LPCAT3: variants seen among roughly 807,000 people sequenced by gnomAD.
LPCAT3 encodes lysophosphatidylcholine acyltransferase 3, also known as lysophospholipid acyltransferase 5.
LPCAT3 carries 21 observed loss-of-function variants against 63.4 expected under a neutral mutation model. The observed-to-expected ratio is 0.33, with a 90% CI of 0.23 to 0.48. The LOEUF (loss-of-function observed/expected upper bound fraction) is 0.48, where lower values mean the gene tolerates loss of function less well. Ranked by LOEUF, LPCAT3 falls within the 20% of genes least tolerant of loss-of-function variation. The pLI is 0.99. For synonymous variants in LPCAT3, 242 were observed against 227.5 expected, an observed-to-expected ratio of 1.06 and a Z score of -0.58; for missense variants, 451 against 590.6, an observed-to-expected ratio of 0.76 and a Z score of 2.45.
At chr12:6,993,875 G>T (rs1275102922) in intron 1 of LPCAT3, among the ~76,000 whole-genome samples, 2 of 152,126 alleles carry the variant, frequency 1.3e-5, no homozygotes, top group African/African-American at 4.8e-5. Flanking sequence ...GCTTCCCAAA[G>T]TGCTAGGATT....
intron 1 of LPCAT3, among the ~76,000 whole-genome samples, chr12:7,000,799 C>T (rs961462466): frequency 2.0e-5 from 3 of 151,448 alleles, no homozygotes; most frequent in South Asian, 2.1e-4. Flanking sequence ...CTCCGCCTCC[C>T]GGGTTCACGC....
At chr12:6,981,414 C>G in intron 5 of LPCAT3, 181 bp downstream of exon 5, 1 of 732,812 alleles carries the variant, frequency 1.4e-6, no homozygotes, top group South Asian at 1.7e-5. Flanking sequence ...TGTGCAAGAG[C>G]TGGATCCTGG....
In LPCAT3 at chr12:6,978,391, G is replaced by A. The variant is rs11830191; in HGVS notation, c.990C>T (p.Phe330=). Residue 330 remains phenylalanine, a synonymous_variant, in exon 9 of 13, where the codon TTC becomes TTT. Transcript: ENST00000261407. ...KVWLFETNPR[F]TGTIASFNIN... ...TGTTGAATGAGGCAATGGTGCCAGT[G>A]AAGCGGGGGTTTGTTTCAAAGAGCC... The A allele has an allele frequency of 1.2e-6, 2 of 1,613,864 alleles. No homozygotes were observed. The highest frequency in any genetic ancestry group is 1.7e-6 in the Non-Finnish European group (2 of 1,179,948).
intron 1 of LPCAT3, among the ~76,000 whole-genome samples, chr12:6,984,660 C>T (rs1274245977): frequency 6.6e-6 from 1 of 152,216 alleles, no homozygotes; most frequent in Admixed American, 6.5e-5. Context: ...GATCATCGCT[C>T]ACTGCAGCCT....
At chr12:7,006,724 A>G (rs1946727398) in intron 1 of LPCAT3, among the ~76,000 whole-genome samples, 1 of 152,180 alleles carries the variant, frequency 6.6e-6, no homozygotes, top group African/African-American at 2.4e-5. Context: ...ACTTTAATCA[A>G]TCTTTTCCAC....
At chr12:6,998,160 A>G (rs1946654114) in intron 1 of LPCAT3, among the ~76,000 whole-genome samples, 1 of 152,080 alleles carries the variant, frequency 6.6e-6, no homozygotes. Context: ...AGACCACAGG[A>G]ATGTACTACC....
intron 1 of LPCAT3, 84 bp from the exon 2 acceptor site, chr12:6,983,623 G>A (rs1229519405): frequency 4.9e-6 from 4 of 809,206 alleles, no homozygotes; most frequent in East Asian, 2.5e-5. Flanking sequence ...GGCATGAAAC[G>A]CAGCCCAGAG....
chr12:7,000,459 A>G (rs1293459186), intron 1 of LPCAT3, among the ~76,000 whole-genome samples: 2 of 148,480 alleles, frequency 1.3e-5, no homozygotes, highest in Admixed American at 1.3e-4. Flanking sequence ...GTGGTGGCGG[A>G]TGCCTGTAGT....
intron 1 of LPCAT3, among the ~76,000 whole-genome samples, chr12:7,001,695 A>C (rs2138353643): frequency 6.6e-6 from 1 of 152,310 alleles, no homozygotes; most frequent in South Asian, 2.1e-4. Context: ...AGGGGCAGCA[A>C]GACTGTGAGT....
At chr12:7,011,689 C>G (rs1425787743) in intron 1 of LPCAT3, among the ~76,000 whole-genome samples, 48 of 150,286 alleles carry the variant, frequency 3.2e-4, no homozygotes, top group Non-Finnish European at 5.9e-5. Flanking sequence ...AAAAGAAATT[C>G]CCAAACGGGA....
At chr12:6,992,846 A>G (rs1946601621) in intron 1 of LPCAT3, among the ~76,000 whole-genome samples, 1 of 152,328 alleles carries the variant, frequency 6.6e-6, no homozygotes, top group South Asian at 2.1e-4. Context: ...AGTCCCTTAT[A>G]TAATATGGTG....
intron 1 of LPCAT3, among the ~76,000 whole-genome samples, chr12:6,985,499 A>C (rs1555154721): frequency 1.3e-5 from 2 of 151,934 alleles, no homozygotes; most frequent in Non-Finnish European, 1.5e-5. Context: ...GGATCACTTG[A>C]GATCCGGAGT....
intron 1 of LPCAT3, among the ~76,000 whole-genome samples, chr12:6,989,496 G>A (rs1037631070): frequency 3.9e-5 from 6 of 151,920 alleles, no homozygotes; most frequent in African/African-American, 4.8e-5. Flanking sequence ...ATTTTTAGTA[G>A]AGACAGGGTT....
At chr12:6,990,082 C>T (rs1341949555) in intron 1 of LPCAT3, among the ~76,000 whole-genome samples, 1 of 151,616 alleles carries the variant, frequency 6.6e-6, no homozygotes, top group Non-Finnish European at 1.5e-5. Flanking sequence ...GAGGCTGAGG[C>T]AGGAGGATCA....
intron 1 of LPCAT3, among the ~76,000 whole-genome samples, chr12:7,010,814 T>C (rs117637208): frequency 5.3e-4 from 80 of 152,234 alleles, no homozygotes; most frequent in Non-Finnish European, 1.0e-3. Context: ...CATTGGGGTA[T>C]AGATAAAAAG....
chr12:7,004,400 T>G (rs1946712267), intron 1 of LPCAT3, among the ~76,000 whole-genome samples: 1 of 152,172 alleles, frequency 6.6e-6, no homozygotes, highest in Admixed American at 6.5e-5. Context: ...CAAAACAACC[T>G]TGATGAGTAG....
chr12:6,976,995 T>C (rs1946411194), intron 12 of LPCAT3, 104 bp from the exon 13 acceptor site: 1 of 646,780 alleles, frequency 1.5e-6, no homozygotes, highest in Non-Finnish European at 2.8e-6. Context: ...GTCACAGTAG[T>C]CATTGCCCAT....
At chr12:6,981,997 C>T in intron 3 of LPCAT3, 93 bp from the exon 4 acceptor site, 1 of 725,708 alleles carries the variant, frequency 1.4e-6, no homozygotes, top group Non-Finnish European at 2.5e-6. Flanking sequence ...CCTTTCTCCT[C>T]ATCCCATCAT....
intron 6 of LPCAT3, 82 bp from the exon 7 acceptor site, chr12:6,979,661 A>G: frequency 1.0e-6 from 1 of 955,120 alleles, no homozygotes; most frequent in Non-Finnish European, 1.7e-6. Context: ...TATGGAGAGG[A>G]GTGTTTAGGG....
Sources: gnomAD v4.1 joint callset for allele counts (sites outside exome capture counted in the v4.1 genomes callset) on GRCh38, gnomAD v4.1.1 for gene constraint, MANE v1.5 for transcripts, NCBI Gene and HGNC (gene_info 2026-07-23, HGNC 2026-07-21) for gene names.